The following CARMIL1 variants were observed in gnomAD, a reference collection of about 807,000 sequenced individuals.
CARMIL1 encodes the protein F-actin-uncapping protein LRRC16A.
Under a neutral mutation model 177.1 loss-of-function variants are expected in CARMIL1, and 90 were observed. That is an observed-to-expected ratio of 0.51 (90% CI 0.43 to 0.61). The LOEUF (loss-of-function observed/expected upper bound fraction) is 0.61. Ranked by LOEUF, CARMIL1 falls within the 20% of genes least tolerant of loss-of-function variation. The pLI is 0.00. For synonymous variants in CARMIL1, 577 were observed against 606.2 expected (o/e 0.95, Z 0.71); for missense variants, 1,380 against 1,667.0 (o/e 0.83, Z 3.00).
chr6:25,483,370 A>G (rs1802306396), intron 12 of CARMIL1, among the ~76,000 whole-genome samples: 1 of 152,206 alleles, frequency 6.6e-6, no homozygotes, highest in Non-Finnish European at 1.5e-5. Context: ...ACATGCATTT[A>G]TAATGTCTTT....
At position 25,466,228 on chromosome 6, in the gene CARMIL1, T is replaced by G. The variant is rs552241382; in HGVS notation, c.690+280T>G. Reference sequence around the variant, plus strand: ...AGCCTTTAGTATAAAGTCATTCAGTTGGCAAAAACTGTTAAAGTTACATTT... The same window carrying G: ...AGCCTTTAGTATAAAGTCATTCAGTGGGCAAAAACTGTTAAAGTTACATTT... On this transcript the variant is annotated intron_variant, in intron 9 of 36. Coordinates refer to ENST00000329474, the MANE Select transcript of CARMIL1 (RefSeq NM_017640.6). Among the ~76,000 whole-genome samples the G allele has an allele frequency of 6.7e-4, 102 of 152,338 alleles. 2 individuals carry two copies. Among genetic ancestry groups the G allele is most frequent in the Admixed American group, 9.1e-4 (14 of 15,302 alleles).
At chr6:25,398,319 G>A (rs1182876246) in intron 2 of CARMIL1, among the ~76,000 whole-genome samples, 2 of 152,010 alleles carry the variant, frequency 1.3e-5, no homozygotes, top group Admixed American at 1.3e-4. Flanking sequence ...ATGACCAGTG[G>A]CAAAGGAACA....
rs939912306 is a variant in CARMIL1, at chr6:25,450,412, A to G, written c.540+3A>G. Reference sequence around the variant, plus strand: ...CATACAGGGAAGAAGTACAATGGGTAAGAATGTCTGTGTACATGTGCATGA... The same window carrying G: ...CATACAGGGAAGAAGTACAATGGGTGAGAATGTCTGTGTACATGTGCATGA... On this transcript the variant is annotated splice_donor_region_variant and intron_variant, in intron 7 of 36. Coordinates refer to ENST00000329474, the MANE Select transcript of CARMIL1 (RefSeq NM_017640.6). 9.9e-6 allele frequency: 16 copies of G among 1,609,882 alleles called. No individual in the cohort carries two copies. Among genetic ancestry groups the G allele is most frequent in the African/African-American group, 1.3e-5 (1 of 74,846 alleles).
intron 2 of CARMIL1, among the ~76,000 whole-genome samples, chr6:25,377,487 G>A (rs943681487): frequency 1.1e-4 from 16 of 152,194 alleles, no homozygotes; most frequent in Non-Finnish European, 2.2e-4. Context: ...TAGCTGCCTA[G>A]TGGGGCTGCC....
rs1816092453 is a variant in CARMIL1 at position 25,607,508 on chromosome 6, A to C, written c.3847+1235A>C. Among the ~76,000 whole-genome samples, 4 of 152,176 alleles carry C rather than the reference A, an allele frequency of 2.6e-5. No individual in the cohort carries two copies. The South Asian group carries it at 8.3e-4, about 32-fold the overall frequency. ...AGGCACAGAGATACTGAGTTTGCCA[A>C]GTCACGCAGCTGGTGTGTCTGTGTA... On this transcript the variant is annotated intron_variant, in intron 35 of 36. Coordinates refer to ENST00000329474, the MANE Select transcript of CARMIL1 (RefSeq NM_017640.6).
rs1004709775 is a variant in CARMIL1 at position 25,554,981 on chromosome 6, GTC to G, written c.2592+887_2592+888del. ...TCATTTGAGAAAAACGTGTAAGACT[GTC>G]TTCCAAAATCTGAAAGACAAGACAG... On this transcript the variant is annotated intron_variant, in intron 28 of 36. Transcript: ENST00000329474. This position sits in a 1 kb window ranked among gnomAD's most constrained non-coding sequence, Gnocchi z 4.6. Among the ~76,000 whole-genome samples the G allele has an allele frequency of 3.3e-5, 5 of 152,248 alleles. No homozygotes were observed. Among genetic ancestry groups the G allele is most frequent in the African/African-American group, 1.2e-4 (5 of 41,558 alleles).
intron 2 of CARMIL1, among the ~76,000 whole-genome samples, chr6:25,406,808 G>T (rs939101710): frequency 2.0e-5 from 3 of 152,154 alleles, no homozygotes; most frequent in African/African-American, 7.2e-5. Context: ...TTAAGGGTTG[G>T]AGTACATACA....
At chr6:25,311,855 A>T (rs1377987573) in intron 2 of CARMIL1, among the ~76,000 whole-genome samples, 1 of 152,140 alleles carries the variant, frequency 6.6e-6, no homozygotes, top group Non-Finnish European at 1.5e-5. Context: ...TTTTGAAGAC[A>T]CAATTCTCCC....
At chr6:25,282,696 C>T (rs932129602) in intron 1 of CARMIL1, among the ~76,000 whole-genome samples, 1 of 152,160 alleles carries the variant, frequency 6.6e-6, no homozygotes, top group African/African-American at 2.4e-5. Context: ...CTTCTTTCAT[C>T]TCAATGGATT....
At chr6:25,619,053 T>G (rs1759522473) in intron 36 of CARMIL1, among the ~76,000 whole-genome samples, 1 of 152,180 alleles carries the variant, frequency 6.6e-6, no homozygotes, top group Non-Finnish European at 1.5e-5. Context: ...GTCTGCCCTG[T>G]TCTCTGTGCT....
intron 31 of CARMIL1, among the ~76,000 whole-genome samples, chr6:25,586,812 G>C (rs938330758): frequency 2.8e-4 from 42 of 152,218 alleles, no homozygotes; most frequent in East Asian, 1.2e-3. Context: ...AAACCAGTCA[G>C]GCGTGGCGGC....
intron 4 of CARMIL1, among the ~76,000 whole-genome samples, chr6:25,429,244 GGTTCCTTTCTT>G (rs1490550122): frequency 1.3e-5 from 2 of 152,106 alleles, no homozygotes; most frequent in African/African-American, 4.8e-5. Flanking sequence ...AATGTCCAAG[GGTTCCTTTCTT>G]GTCAGCAGCC....
At chr6:25,599,254 T>G (rs1370530505) in intron 32 of CARMIL1, among the ~76,000 whole-genome samples, 1 of 152,216 alleles carries the variant, frequency 6.6e-6, no homozygotes, top group Non-Finnish European at 1.5e-5. Flanking sequence ...CCAGCACAAA[T>G]CAAATGCTTC....
intron 2 of CARMIL1, among the ~76,000 whole-genome samples, chr6:25,336,392 C>T (rs558044280): frequency 1.4e-4 from 21 of 152,290 alleles, no homozygotes; most frequent in East Asian, 1.4e-3. Context: ...ACAGACTGTA[C>T]TCTACTCACC....
Position 25,515,859 on chromosome 6 carries a change from C to G in CARMIL1, c.1805+12C>G, listed in dbSNP as rs762489025. ...AACACTAAGCTCAGGTAGGCAGATC[C>G]CACCCTCCCTGCTCATGAGGAAGGC... On this transcript the variant is annotated intron_variant, in intron 21 of 36. Transcript: ENST00000329474. This position sits in a 1 kb window ranked among gnomAD's most constrained non-coding sequence, Gnocchi z 5.0. 2 of 1,588,442 alleles carry G rather than the reference C, an allele frequency of 1.3e-6. No homozygotes were observed. Among genetic ancestry groups the G allele is most frequent in the South Asian group, 1.2e-5 (1 of 86,442 alleles).
Position 25,326,110 on chromosome 6 carries a change from C to T in CARMIL1, c.138+41201C>T, listed in dbSNP as rs1373669940. On this transcript the variant is annotated intron_variant, in intron 2 of 36. Transcript: ENST00000329474. This position sits in a 1 kb window ranked among gnomAD's most constrained non-coding sequence, Gnocchi z 4.2. The stretch of plus-strand genomic sequence containing the variant: ...GTGTCGATTTCCTGACCTCGTGATC[C>T]GCCCACCTCAGCCTCCCAAAATGCT... Among the ~76,000 whole-genome samples the T allele has an allele frequency of 2.0e-5, 3 of 152,132 alleles. No homozygotes were observed. Among genetic ancestry groups the T allele is most frequent in the African/African-American group, 4.8e-5 (2 of 41,416 alleles).
At chr6:25,597,536 C>T (rs1484485939) in intron 32 of CARMIL1, among the ~76,000 whole-genome samples, 3 of 152,168 alleles carry the variant, frequency 2.0e-5, no homozygotes, top group African/African-American at 4.8e-5. Context: ...TCCTAAATCT[C>T]CAGTAAGGAT....
chr6:25,392,139 A>G (rs183291256), intron 2 of CARMIL1, among the ~76,000 whole-genome samples: 42 of 151,946 alleles, frequency 2.8e-4, no homozygotes, highest in Middle Eastern at 3.4e-3. Flanking sequence ...CCTGTGCCAT[A>G]CATACATTGC....
intron 5 of CARMIL1, among the ~76,000 whole-genome samples, chr6:25,449,315 G>A (rs2150839709): frequency 6.6e-6 from 1 of 152,300 alleles, no homozygotes; most frequent in South Asian, 2.1e-4. Context: ...ATGGTTGGCT[G>A]TACTTTTAAC....
Sources: gnomAD v4.1 joint callset for allele counts (sites outside exome capture counted in the v4.1 genomes callset) on GRCh38, gnomAD v4.1.1 for gene constraint, Gnocchi (gnomAD v3.1) non-coding constraint, MANE v1.5 for transcripts, NCBI Gene and HGNC (gene_info 2026-07-23, HGNC 2026-07-21) for gene names.